Variants in KIAA1210 observed in about 807,000 individuals in gnomAD.
The protein encoded by KIAA1210 is acrosomal protein KIAA1210.
KIAA1210 carries 48 observed loss-of-function variants against 78.9 expected under a neutral mutation model. The ratio of observed to expected loss-of-function variants is 0.61; its 90% confidence interval spans 0.48 to 0.77. The LOEUF (loss-of-function observed/expected upper bound fraction) is 0.77, where lower values mean the gene tolerates loss of function less well. Ranked by LOEUF, KIAA1210 falls within the 30% of genes least tolerant of loss-of-function variation. KIAA1210 has a pLI of 0.00. For missense variants in KIAA1210, 1,108 were observed against 1,100.0 expected, an observed-to-expected ratio of 1.01 and a Z score of -0.10; for synonymous variants, 406 against 404.5, an observed-to-expected ratio of 1.00 and a Z score of -0.04.
In KIAA1210 at chrX:119,086,641, C is replaced by T. The variant is rs761285569; in HGVS notation, c.4061G>A (p.Gly1354Glu). Residue 1354 changes from glycine (G) to glutamate (E), a missense_variant, in exon 9 of 12, where the codon GGG (glycine) becomes GAG (glutamate). Transcript: ENST00000691062. ...AACGTAAGATATTTTGGTGAGGTTC[C>T]CTGCAGCATCCAGGAGCCCCTGGGA... ...STSQGLLDAA[G>E]NLTKISYVAD... The T allele has an allele frequency of 4.1e-6, 5 of 1,209,415 alleles. No individual in the cohort carries two copies. In the African/African-American group the frequency reaches 7.0e-5, roughly 17 times the overall value.
At chrX:119,138,982 A>G (rs1377530840) in intron 2 of KIAA1210, among the ~76,000 whole-genome samples, 2 of 112,306 alleles carry the variant, frequency 1.8e-5, no homozygotes, top group Non-Finnish European at 3.8e-5. Flanking sequence ...AGATGCATAG[A>G]AAGTAGCACA....
chrX:119,104,558 A>G (rs1316897256), intron 6 of KIAA1210, among the ~76,000 whole-genome samples: 1 of 112,115 alleles, frequency 8.9e-6, no homozygotes, highest in Non-Finnish European at 1.9e-5. Context: ...ACGCTGATTG[A>G]TATTATCTGG....
chrX:119,133,650 T>A (rs1928845750), intron 2 of KIAA1210, among the ~76,000 whole-genome samples: 1 of 108,560 alleles, frequency 9.2e-6, no homozygotes, highest in Admixed American at 9.8e-5. Flanking sequence ...AGAACAATCT[T>A]TTTTTCTTTT....
intron 3 of KIAA1210, among the ~76,000 whole-genome samples, chrX:119,115,450 C>A (rs1928227708): frequency 9.0e-6 from 1 of 111,569 alleles, no homozygotes; most frequent in Non-Finnish European, 1.9e-5. Context: ...CTACATAAGC[C>A]CCTCTTTCAA....
intron 2 of KIAA1210, among the ~76,000 whole-genome samples, chrX:119,133,181 A>T (rs1928834211): frequency 9.0e-6 from 1 of 111,600 alleles, no homozygotes; most frequent in Non-Finnish European, 1.9e-5. Flanking sequence ...AGTATCCTCC[A>T]GGGGAAAGGA....
At chrX:119,100,172 C>CA (rs1332831488) in intron 6 of KIAA1210, among the ~76,000 whole-genome samples, 24 of 106,323 alleles carry the variant, frequency 2.3e-4, no homozygotes, top group Admixed American at 1.5e-3. Context: ...AACACACACA[C>CA]AAAAAAAAAT....
At chrX:119,108,604 C>T in intron 4 of KIAA1210, 133 bp from the exon 5 acceptor site, 1 of 786,116 alleles carries the variant, frequency 1.3e-6, no homozygotes, top group Non-Finnish European at 1.7e-6. Context: ...GTGGCTCGCG[C>T]ATGTAATCCC....
Position 119,098,377 on chromosome X carries a change from C to T in KIAA1210, c.649-1686G>A, listed in dbSNP as rs767336185. On this transcript the variant is annotated intron_variant, in intron 6 of 11. Transcript: ENST00000691062. ...CTCAGCACTTTGGGAGGCTGAGGTA[C>T]GCAGATCAACTGAGGTCAGGAGTTT... Among the ~76,000 whole-genome samples the T allele has an allele frequency of 1.6e-4, 18 of 111,428 alleles. No homozygotes were observed. In the South Asian group the frequency reaches 3.4e-3, roughly 21 times the overall value.
At chrX:119,099,432 T>A (rs755861141) in intron 6 of KIAA1210, among the ~76,000 whole-genome samples, 2 of 112,193 alleles carry the variant, frequency 1.8e-5, no homozygotes, top group Non-Finnish European at 3.8e-5. Context: ...TCTATAGACA[T>A]CAGTCTAAAC....
intron 1 of KIAA1210, among the ~76,000 whole-genome samples, chrX:119,149,254 A>T (rs774588562): frequency 4.5e-5 from 5 of 110,551 alleles, no homozygotes; most frequent in African/African-American, 6.6e-5. Flanking sequence ...CCCATCCTCT[A>T]CCTCTTGCAA....
At chrX:119,083,358 CAGAA>C (rs200857722) in intron 10 of KIAA1210, among the ~76,000 whole-genome samples, 1,576 of 111,906 alleles carry the variant, frequency 0.014, 29 homozygotes, top group African/African-American at 0.048. Context: ...CCTTTCAGAC[CAGAA>C]AGAAAGAGCT....
Position 119,088,385 on chromosome X carries a change from G to T in KIAA1210, c.2317C>A (p.His773Asn), listed in dbSNP as rs1188206412. ...SDSVEPIPPR[H>N]PFQPWVNPKV... ...GGGTTCACCCATGGCTGGAAAGGGT[G>T]TCTTGGAGGGATTGGCTCCACGGAA... Residue 773 changes from histidine (H) to asparagine (N), a missense_variant, in exon 9 of 12, where the codon CAC becomes AAC. Coordinates refer to ENST00000691062, the MANE Select transcript of KIAA1210 (RefSeq NM_001394962.1). The T allele has an allele frequency of 8.3e-7, 1 of 1,211,220 alleles. No homozygotes were observed. The highest frequency in any genetic ancestry group is 1.1e-6 in the Non-Finnish European group (1 of 895,299).
chrX:119,143,026 A>G (rs1929086467), intron 2 of KIAA1210, among the ~76,000 whole-genome samples: 1 of 111,528 alleles, frequency 9.0e-6, no homozygotes, highest in Admixed American at 9.5e-5. Flanking sequence ...ACTCATATAA[A>G]GCTCTTGGCA....
intron 8 of KIAA1210, among the ~76,000 whole-genome samples, chrX:119,091,593 G>C (rs1331086562): frequency 9.0e-6 from 1 of 111,641 alleles, no homozygotes; most frequent in Non-Finnish European, 1.9e-5. Context: ...TTGATCCCCA[G>C]ATGGAAGGGT....
At chrX:119,094,178 G>C in intron 7 of KIAA1210, 1 of 564,216 alleles carries the variant, frequency 1.8e-6, no homozygotes. Context: ...CCAGACCTGT[G>C]AGTCAAATTC....
chrX:119,131,085 C>T (rs147056015), upstream of KIAA1210, among the ~76,000 whole-genome samples: 17 of 112,140 alleles, frequency 1.5e-4, no homozygotes, highest in African/African-American at 5.2e-4. Flanking sequence ...AGCTCTGTTG[C>T]CCTCCCGGAA....
In KIAA1210 at chrX:119,102,236, T is replaced by C. The variant is rs150435834; in HGVS notation, c.648+2756A>G. Among the ~76,000 whole-genome samples the C allele has an allele frequency of 3.1e-3, 347 of 113,055 alleles. 4 individuals carry two copies. The highest frequency in any genetic ancestry group is 0.011 in the African/African-American group (329 of 31,204). On this transcript the variant is annotated intron_variant, in intron 6 of 11. Transcript: ENST00000691062. ...ATCTTTAATGAGAATCTTTCCTATC[T>C]GCTTTACAGAGTTATTGAGAGAATC... is the stretch of plus-strand genomic sequence containing the variant.
At chrX:119,126,781 C>T (rs1364141092) in intron 1 of KIAA1210, among the ~76,000 whole-genome samples, 1 of 112,393 alleles carries the variant, frequency 8.9e-6, no homozygotes, top group Non-Finnish European at 1.9e-5. Flanking sequence ...AAGGAAAATT[C>T]AACATCTGAC....
At chrX:119,109,225 G>A (rs1569318005) in intron 3 of KIAA1210, 23 bp from the exon 4 acceptor site, 1 of 1,180,550 alleles carries the variant, frequency 8.5e-7, no homozygotes, top group Non-Finnish European at 1.1e-6. Context: ...GAAAGGTCTT[G>A]TAAAAGCAAC....
Sources: gnomAD v4.1 joint callset for allele counts (sites outside exome capture counted in the v4.1 genomes callset) on GRCh38, gnomAD v4.1.1 for gene constraint, MANE v1.5 for transcripts, NCBI Gene and HGNC (gene_info 2026-07-23, HGNC 2026-07-21) for gene names.